The following GABRG3 variants were observed in gnomAD, a reference collection of about 807,000 sequenced individuals.
GABRG3 encodes the protein gamma-aminobutyric acid receptor subunit gamma-3.
GABRG3 carries 25 observed loss-of-function variants against 48.8 expected under a neutral mutation model. The ratio of observed to expected loss-of-function variants is 0.51; its 90% CI spans 0.37 to 0.72. The LOEUF (loss-of-function observed/expected upper bound fraction) is 0.72. Ranked by LOEUF, GABRG3 falls within the 30% of genes least tolerant of loss-of-function variation. The pLI is 0.00. For synonymous variants in GABRG3, 227 were observed against 217.6 expected, an observed-to-expected ratio of 1.04 and a Z score of -0.38; for missense variants, 394 against 577.9, an observed-to-expected ratio of 0.68 and a Z score of 3.26.
At chr15:27,377,785 T>C (rs1895646149) in intron 5 of GABRG3, among the ~76,000 whole-genome samples, 1 of 152,222 alleles carries the variant, frequency 6.6e-6, no homozygotes, top group African/African-American at 2.4e-5. Context: ...AAAGGTGCCT[T>C]TGGTGAATAT....
At chr15:27,421,538 A>C (rs1419449358) in intron 5 of GABRG3, among the ~76,000 whole-genome samples, 1 of 151,460 alleles carries the variant, frequency 6.6e-6, no homozygotes, top group Non-Finnish European at 1.5e-5. Context: ...TATCCATTGG[A>C]GTGGGCTGCG....
At chr15:27,000,914 C>G (rs1476252294) in intron 2 of GABRG3, among the ~76,000 whole-genome samples, 2 of 152,202 alleles carry the variant, frequency 1.3e-5, no homozygotes, top group Non-Finnish European at 2.9e-5. Context: ...TATTTCCACT[C>G]TAGCTGTTGG....
chr15:27,121,724 C>T (rs193111443), intron 3 of GABRG3, among the ~76,000 whole-genome samples: 4 of 152,320 alleles, frequency 2.6e-5, no homozygotes, highest in Admixed American at 2.0e-4. Flanking sequence ...TGTGTTTCCA[C>T]CACAATATTA....
intron 5 of GABRG3, chr15:27,350,176 A>G (rs1894513147): frequency 6.6e-6 from 3 of 455,896 alleles, no homozygotes; most frequent in Non-Finnish European, 1.3e-5. Flanking sequence ...GCTGACGTTT[A>G]AAAGTTTCAA....
intron 3 of GABRG3, among the ~76,000 whole-genome samples, chr15:27,138,725 C>A (rs1280538211): frequency 6.6e-6 from 1 of 152,130 alleles, no homozygotes; most frequent in Non-Finnish European, 1.5e-5. Context: ...AATTATTATC[C>A]CTCAGGATTC....
chr15:27,452,572 A>G (rs754472339), intron 5 of GABRG3, among the ~76,000 whole-genome samples: 13 of 152,242 alleles, frequency 8.5e-5, no homozygotes, highest in South Asian at 2.1e-4. Flanking sequence ...TCTTACCACA[A>G]AATAAGCTAG....
chr15:27,418,495 C>T (rs1169829610), intron 5 of GABRG3, among the ~76,000 whole-genome samples: 1 of 152,066 alleles, frequency 6.6e-6, no homozygotes, highest in Non-Finnish European at 1.5e-5. Flanking sequence ...TCCGCAGAGA[C>T]AGGCACCAGC....
At chr15:27,098,060 A>G (rs2140763511) in intron 3 of GABRG3, among the ~76,000 whole-genome samples, 1 of 152,070 alleles carries the variant, frequency 6.6e-6, no homozygotes, top group Non-Finnish European at 1.5e-5. Flanking sequence ...AATGATTTGG[A>G]GTTATCACAA....
At chr15:27,111,076 C>T (rs1897540543) in intron 3 of GABRG3, among the ~76,000 whole-genome samples, 1 of 151,988 alleles carries the variant, frequency 6.6e-6, no homozygotes, top group African/African-American at 2.4e-5. Flanking sequence ...TGTTCTATTC[C>T]AGTTTAATTT....
At position 27,532,849 on chromosome 15, in the gene GABRG3, C is replaced by T. The variant is rs1344426416; in HGVS notation, c.1372C>T (p.Leu458=). 1 of 1,613,978 alleles carries T rather than the reference C, an allele frequency of 6.2e-7. No individual in the cohort carries two copies. The highest frequency in any genetic ancestry group is 8.5e-7 in the Non-Finnish European group (1 of 1,179,884). The stretch of plus-strand genomic sequence containing the variant: ...CCCCACGTCCTTCCTGCTCTTTAAC[C>T]TGGTCTACTGGGTTGGATACCTGTA... ...FFPTSFLLFN[L]VYWVGYLYL The change falls in exon 10 of 10, where the codon CTG becomes TTG. Residue 458 remains leucine (L), a synonymous_variant. Transcript: ENST00000615808.
chr15:27,107,092 A>G (rs1193910509), intron 3 of GABRG3, among the ~76,000 whole-genome samples: 1 of 152,078 alleles, frequency 6.6e-6, no homozygotes, highest in Non-Finnish European at 1.5e-5. Flanking sequence ...CCATATTCTT[A>G]GTCTTAGGAG....
chr15:27,125,139 T>G (rs1242233460), intron 3 of GABRG3, among the ~76,000 whole-genome samples: 1 of 152,058 alleles, frequency 6.6e-6, no homozygotes, highest in Non-Finnish European at 1.5e-5. Flanking sequence ...GACTTTTTAT[T>G]AGTAAAAAAA....
chr15:27,066,357 G>T (rs562980990), intron 3 of GABRG3, among the ~76,000 whole-genome samples: 1 of 152,248 alleles, frequency 6.6e-6, no homozygotes, highest in East Asian at 1.9e-4. Flanking sequence ...GTCTTTTGGA[G>T]GGATAGGGCT....
intron 3 of GABRG3, among the ~76,000 whole-genome samples, chr15:27,220,785 A>G (rs4887567): frequency 0.17 from 25,478 of 151,894 alleles, 2,812 homozygotes; most frequent in East Asian, 0.41. Flanking sequence ...CCTGGAAGGG[A>G]CTCAGAACTT....
At chr15:27,033,392 A>G (rs17562125) in intron 3 of GABRG3, among the ~76,000 whole-genome samples, 37,399 of 151,920 alleles carry the variant, frequency 0.25, 4,755 homozygotes, top group South Asian at 0.32. Flanking sequence ...TGCATCCTTG[A>G]TTTGGAAATT....
At chr15:27,392,441 C>T (rs998762928) in intron 5 of GABRG3, among the ~76,000 whole-genome samples, 2 of 152,066 alleles carry the variant, frequency 1.3e-5, no homozygotes, top group Admixed American at 6.6e-5. Flanking sequence ...ATCCATAGAC[C>T]GGGGTTATGC....
At chr15:27,530,104 A>C (rs73373618) in intron 9 of GABRG3, among the ~76,000 whole-genome samples, 4,516 of 152,054 alleles carry the variant, frequency 0.03, 246 homozygotes, top group African/African-American at 0.1. Context: ...CAATAGAAAG[A>C]AGCAGAAATT....
intron 3 of GABRG3, among the ~76,000 whole-genome samples, chr15:27,213,268 C>T (rs1017918753): frequency 6.6e-6 from 1 of 152,198 alleles, no homozygotes; most frequent in Non-Finnish European, 1.5e-5. Flanking sequence ...AGCTTCTCTT[C>T]ATGGTTATGT....
In GABRG3 at chr15:27,121,346, C is replaced by T. The variant is rs774477477; in HGVS notation, c.270+94525C>T. 9.8e-5 allele frequency among the ~76,000 whole-genome samples: 15 copies of T among 152,290 alleles called. No individual in the cohort carries two copies. The Middle Eastern group carries it at 0.01, about 104-fold the overall frequency. On this transcript the variant is annotated intron_variant, in intron 3 of 9. Coordinates refer to ENST00000615808, the MANE Select transcript of GABRG3 (RefSeq NM_033223.5). ...GATGCCTTTGCCCTTGGAGAGTGCTCACATTCGTACCTAACAGCTTCAGAG... is the reference window on the plus strand; with the variant it reads ...GATGCCTTTGCCCTTGGAGAGTGCTTACATTCGTACCTAACAGCTTCAGAG...
Sources: gnomAD v4.1 joint callset for allele counts (sites outside exome capture counted in the v4.1 genomes callset) on GRCh38, gnomAD v4.1.1 for gene constraint, MANE v1.5 for transcripts, NCBI Gene and HGNC (gene_info 2026-07-23, HGNC 2026-07-21) for gene names.